Variants in SPAG16 observed in about 807,000 individuals in gnomAD.
SPAG16 encodes the protein sperm-associated antigen 16 protein.
In SPAG16, 86 loss-of-function variants were observed where a neutral mutation model predicts 80.4. The ratio of observed to expected loss-of-function variants is 1.07; its 90% CI spans 0.90 to 1.28. The LOEUF (loss-of-function observed/expected upper bound fraction) is 1.28. SPAG16 is among the 50% of genes most tolerant of loss of function. The pLI is 0.00. For missense variants in SPAG16, 870 were observed against 765.3 expected, an observed-to-expected ratio of 1.14 and a Z score of -1.61; for synonymous variants, 294 against 265.9, an observed-to-expected ratio of 1.11 and a Z score of -1.03.
chr2:213,572,549 T>C (rs564941257), intron 10 of SPAG16, among the ~76,000 whole-genome samples: 3 of 152,154 alleles, frequency 2.0e-5, no homozygotes, highest in East Asian at 1.9e-4. Flanking sequence ...TTAGGCTGCT[T>C]GGGGGTCAGG....
At chr2:213,618,803 C>T (rs1351962235) in intron 10 of SPAG16, among the ~76,000 whole-genome samples, 1 of 151,798 alleles carries the variant, frequency 6.6e-6, no homozygotes, top group Non-Finnish European at 1.5e-5. Flanking sequence ...TAAAACACTC[C>T]ATGATTTCTT....
intron 8 of SPAG16, among the ~76,000 whole-genome samples, chr2:213,371,519 A>G (rs1288719426): frequency 1.3e-5 from 2 of 151,722 alleles, no homozygotes; most frequent in East Asian, 3.9e-4. Flanking sequence ...TGCTCATTTA[A>G]GTTTAGTTTT....
At chr2:214,019,990 A>C (rs574919190) in intron 13 of SPAG16, among the ~76,000 whole-genome samples, 1 of 152,286 alleles carries the variant, frequency 6.6e-6, no homozygotes, top group East Asian at 1.9e-4. Flanking sequence ...TCACTGTCTC[A>C]AGAGCTGATT....
At chr2:214,128,517 G>T (rs2054604730) in intron 14 of SPAG16, among the ~76,000 whole-genome samples, 1 of 151,768 alleles carries the variant, frequency 6.6e-6, no homozygotes, top group Non-Finnish European at 1.5e-5. Flanking sequence ...CCAGTTCCAA[G>T]ATTGCTGTGC....
At chr2:213,407,222 A>C (rs1246071413) in intron 9 of SPAG16, among the ~76,000 whole-genome samples, 1 of 152,172 alleles carries the variant, frequency 6.6e-6, no homozygotes. Context: ...GCGGCCAGAG[A>C]GGACAGCACA....
intron 12 of SPAG16, among the ~76,000 whole-genome samples, chr2:213,946,239 T>C (rs2014000): frequency 0.34 from 51,810 of 152,000 alleles, 9,310 homozygotes; most frequent in South Asian, 0.47. Context: ...ATCAGCCTCC[T>C]GAGCAGCTGG....
At chr2:214,047,992 T>G (rs2049430577) in intron 13 of SPAG16, among the ~76,000 whole-genome samples, 1 of 152,116 alleles carries the variant, frequency 6.6e-6, no homozygotes, top group Non-Finnish European at 1.5e-5. Flanking sequence ...CAATGAGATA[T>G]CATGTCACCC....
rs1012189372 is a variant in SPAG16 at position 214,099,853 on chromosome 2, G to A, written c.1528-8343G>A. Among the ~76,000 whole-genome samples, 6 of 152,106 alleles carry A rather than the reference G, an allele frequency of 3.9e-5. No individual in the cohort carries two copies. The East Asian group carries it at 7.7e-4, about 20-fold the overall frequency. ...TGGAATGCTGGAAACATTTCATATC[G>A]CAATCTGAATAACAATTACACAGAT... is the stretch of plus-strand genomic sequence containing the variant. On this transcript the variant is annotated intron_variant, in intron 13 of 15. Coordinates refer to ENST00000331683, the MANE Select transcript of SPAG16 (RefSeq NM_024532.5).
At chr2:214,309,423 C>T (rs990308741) in intron 15 of SPAG16, among the ~76,000 whole-genome samples, 1 of 152,160 alleles carries the variant, frequency 6.6e-6, no homozygotes, top group Non-Finnish European at 1.5e-5. Context: ...GCTTTAAACC[C>T]TCTCTGAAGA....
At chr2:214,116,369 T>C (rs2053934964) in intron 14 of SPAG16, among the ~76,000 whole-genome samples, 1 of 152,226 alleles carries the variant, frequency 6.6e-6, no homozygotes, top group African/African-American at 2.4e-5. Context: ...TAAGCCTCCA[T>C]AATGAGTTCA....
rs189754678 is a variant in SPAG16, at chr2:214,288,720, C to T, written c.1721-121420C>T. Among the ~76,000 whole-genome samples the T allele has an allele frequency of 5.6e-3, 846 of 151,024 alleles. 12 individuals are homozygous for T. The highest frequency in any genetic ancestry group is 0.02 in the African/African-American group (813 of 41,310). Reference sequence around the variant, plus strand: ...TTTATCATATACCACTTGATCATTTCTTTTTGAGAAATGTCTATTGTCCTT... The same window carrying T: ...TTTATCATATACCACTTGATCATTTTTTTTTGAGAAATGTCTATTGTCCTT... On this transcript the variant is annotated intron_variant, in intron 15 of 15. Transcript: ENST00000331683.
At chr2:214,343,073 G>T (rs532409083) in intron 15 of SPAG16, among the ~76,000 whole-genome samples, 1 of 151,894 alleles carries the variant, frequency 6.6e-6, no homozygotes, top group African/African-American at 2.4e-5. Context: ...TTACAAAATG[G>T]GAAGGCCAAA....
intron 10 of SPAG16, among the ~76,000 whole-genome samples, chr2:213,517,886 T>C (rs949648890): frequency 6.6e-6 from 1 of 152,194 alleles, no homozygotes; most frequent in African/African-American, 2.4e-5. Flanking sequence ...CTTCTTGAGA[T>C]GGGCCTTGGC....
At chr2:214,041,024 G>A (rs1301111137) in intron 13 of SPAG16, among the ~76,000 whole-genome samples, 1 of 150,950 alleles carries the variant, frequency 6.6e-6, no homozygotes, top group Non-Finnish European at 1.5e-5. Flanking sequence ...TTCTTTCTGA[G>A]CCTTTTTGTT....
intron 5 of SPAG16, among the ~76,000 whole-genome samples, chr2:213,331,894 G>A (rs889953904): frequency 6.6e-6 from 1 of 151,762 alleles, no homozygotes; most frequent in Admixed American, 6.6e-5. Flanking sequence ...TACTAAGAGG[G>A]GAATTTATAG....
intron 11 of SPAG16, among the ~76,000 whole-genome samples, chr2:213,874,884 G>C (rs2076085641): frequency 1.3e-5 from 2 of 152,042 alleles, no homozygotes; most frequent in Admixed American, 1.3e-4. Flanking sequence ...TATATGCATG[G>C]GATGACCATA....
intron 12 of SPAG16, among the ~76,000 whole-genome samples, chr2:213,968,351 C>A (rs762653191): frequency 2.6e-5 from 4 of 152,016 alleles, no homozygotes; most frequent in Non-Finnish European, 4.4e-5. Context: ...TGCCACCACA[C>A]CTGCCACCAC....
chr2:214,161,144 A>G (rs992361741), intron 15 of SPAG16, among the ~76,000 whole-genome samples: 1 of 152,070 alleles, frequency 6.6e-6, no homozygotes. Context: ...GTTCCTTTCT[A>G]TGGCTGCATA....
At chr2:213,742,852 C>T (rs544598959) in intron 10 of SPAG16, among the ~76,000 whole-genome samples, 16 of 152,214 alleles carry the variant, frequency 1.1e-4, no homozygotes, top group African/African-American at 3.9e-4. Flanking sequence ...CGTGAGCCAC[C>T]GTGCTCGGCT....
Sources: gnomAD v4.1 joint callset for allele counts (sites outside exome capture counted in the v4.1 genomes callset) on GRCh38, gnomAD v4.1.1 for gene constraint, MANE v1.5 for transcripts, NCBI Gene and HGNC (gene_info 2026-07-23, HGNC 2026-07-21) for gene names.